NEK6: variants seen among roughly 807,000 people sequenced by gnomAD.
NEK6 encodes NIMA related kinase 6.
In NEK6, 27 loss-of-function variants were observed where a neutral mutation model predicts 43.5. That is an observed-to-expected ratio of 0.62 (90% confidence interval 0.46 to 0.86). The LOEUF (loss-of-function observed/expected upper bound fraction) is 0.86. NEK6 is among the 40% of genes least tolerant of loss of function. The pLI, the probability that NEK6 is intolerant of heterozygous loss-of-function variation, is 0.00. For synonymous variants in NEK6, 167 were observed against 164.1 expected (o/e 1.02, Z -0.14); for missense variants, 318 against 414.4 (o/e 0.77, Z 2.02).
intron 1 of NEK6, among the ~76,000 whole-genome samples, chr9:124,298,760 C>G (rs1425369723): frequency 6.6e-6 from 1 of 152,228 alleles, no homozygotes; most frequent in African/African-American, 2.4e-5. Context: ...CTCTTAACCT[C>G]TTCGTGCCTC....
At chr9:124,323,818 A>G (rs1400982589) in intron 5 of NEK6, among the ~76,000 whole-genome samples, 1 of 152,160 alleles carries the variant, frequency 6.6e-6, no homozygotes, top group African/African-American at 2.4e-5. Flanking sequence ...TCCCTTCTCT[A>G]TGCCAGGCCT....
chr9:124,278,968 T>C (rs537974971), intron 1 of NEK6, among the ~76,000 whole-genome samples: 1 of 152,302 alleles, frequency 6.6e-6, no homozygotes, highest in African/African-American at 2.4e-5. Flanking sequence ...CACAGTCTCA[T>C]CTTCAGTAGA....
chr9:124,278,683 C>T (rs1267777294), intron 1 of NEK6, among the ~76,000 whole-genome samples: 1 of 152,190 alleles, frequency 6.6e-6, no homozygotes, highest in African/African-American at 2.4e-5. Flanking sequence ...GGTGGGGAGA[C>T]GCATGCGTCA....
intron 9 of NEK6, among the ~76,000 whole-genome samples, chr9:124,348,327 G>A (rs557398093): frequency 5.9e-5 from 9 of 152,278 alleles, no homozygotes; most frequent in African/African-American, 1.2e-4. Flanking sequence ...CACTGGCTGC[G>A]GGAGCCGTGG....
Position 124,351,255 on chromosome 9 carries a change from T to G in NEK6, c.*308T>G, listed in dbSNP as rs1165154698. ...AGCCCCCTGTATCTGGATTGTAATG[T>G]GAATCTTTAGGGTAATTCCTCCAGT... On this transcript the variant is annotated 3_prime_UTR_variant, in exon 10 of 10. Transcript: ENST00000320246. The G allele has an allele frequency of 6.9e-6, 2 of 290,638 alleles. No homozygotes were observed. 18.0% of individuals were successfully genotyped at this position (290,638 alleles called of 1,614,324 possible).
chr9:124,345,246 G>A (rs914448035), intron 8 of NEK6, among the ~76,000 whole-genome samples: 3 of 152,224 alleles, frequency 2.0e-5, no homozygotes, highest in African/African-American at 7.2e-5. Context: ...AGTCTGGGTG[G>A]TCACTGGTAG....
At chr9:124,304,605 T>G (rs1319280118) in intron 2 of NEK6, among the ~76,000 whole-genome samples, 1 of 152,218 alleles carries the variant, frequency 6.6e-6, no homozygotes, top group Non-Finnish European at 1.5e-5. Context: ...GATCTTATAT[T>G]TTAAAAACCA....
intron 1 of NEK6, among the ~76,000 whole-genome samples, chr9:124,279,859 C>T (rs1354185481): frequency 2.6e-5 from 4 of 152,370 alleles, no homozygotes; most frequent in Non-Finnish European, 2.9e-5. Context: ...CTCCCAACCA[C>T]GCAAAACCTG....
chr9:124,282,494 T>C (rs1344488555), intron 1 of NEK6, among the ~76,000 whole-genome samples: 3 of 152,130 alleles, frequency 2.0e-5, no homozygotes, highest in Admixed American at 2.0e-4. Context: ...AACATTACTC[T>C]GGGGGCGTAA....
rs1361019831 is a variant in NEK6, at chr9:124,297,755, G to A, written c.-29-4181G>A. Among the ~76,000 whole-genome samples the A allele has an allele frequency of 7.2e-5, 11 of 152,344 alleles. No homozygotes were observed. In the South Asian group the frequency reaches 1.4e-3, roughly 20 times the overall value. On this transcript the variant is annotated intron_variant, in intron 1 of 9. Transcript: ENST00000320246. ...TGTTCTGCAACTTGGCAGGAGCCGC[G>A]GGATCCCGGGGACGGGCAGTCCTCA...
chr9:124,278,567 C>T (rs116585063), intron 1 of NEK6, among the ~76,000 whole-genome samples: 2,099 of 152,280 alleles, frequency 0.014, 47 homozygotes, highest in African/African-American at 0.048. Context: ...GGGTTCTGCC[C>T]GCCAACAGGG....
chr9:124,305,566 AAAAG>A lies in NEK6; in HGVS notation c.90+3516_90+3519del, dbSNP rs1195501679. ...GAGACCCCATCTCAAAAAAAAAAAA[AAAAG>A]AAAAAGAAAAGAAATTCAGTGTCTG... On this transcript the variant is annotated intron_variant, in intron 2 of 9. Transcript: ENST00000320246. 1.9e-4 allele frequency among the ~76,000 whole-genome samples: 29 copies of A among 150,342 alleles called. No homozygotes were observed. The East Asian group carries it at 4.7e-3, about 24-fold the overall frequency.
At chr9:124,292,986 G>C in intron 1 of NEK6, 1 of 1,575,890 alleles carries the variant, frequency 6.3e-7, no homozygotes, top group South Asian at 1.2e-5. Flanking sequence ...TTTCCGGCAG[G>C]AGGAGCAGAG....
At chr9:124,271,553 A>G (rs892018978) in intron 1 of NEK6, among the ~76,000 whole-genome samples, 1 of 152,242 alleles carries the variant, frequency 6.6e-6, no homozygotes, top group African/African-American at 2.4e-5. Flanking sequence ...CCTGTTTTTC[A>G]GATGAAGTTA....
Position 124,275,841 on chromosome 9 carries a change from A to T in NEK6, c.-30+17756A>T, listed in dbSNP as rs981788085. On this transcript the variant is annotated intron_variant, in intron 1 of 9. Coordinates refer to ENST00000320246, the MANE Select transcript of NEK6 (RefSeq NM_014397.6). This position sits in a 1 kb window ranked among gnomAD's most constrained non-coding sequence, Gnocchi z 4.4. Reference sequence around the variant, plus strand: ...GCCTGTGGCCATGGGGACAGCTGAGATGCTGAGACCACTGTGTCCAAAGCC... The same window carrying T: ...GCCTGTGGCCATGGGGACAGCTGAGTTGCTGAGACCACTGTGTCCAAAGCC... Among the ~76,000 whole-genome samples, 3 of 152,216 alleles carry T rather than the reference A, an allele frequency of 2.0e-5. No individual in the cohort carries two copies. Among genetic ancestry groups the T allele is most frequent in the Non-Finnish European group, 2.9e-5 (2 of 68,042 alleles).
chr9:124,311,099 G>A (rs1010941007), intron 2 of NEK6, among the ~76,000 whole-genome samples: 5 of 152,190 alleles, frequency 3.3e-5, no homozygotes, highest in African/African-American at 9.7e-5. Flanking sequence ...AGGCTGAGAC[G>A]CAGCTGGTCC....
At chr9:124,346,904 C>T (rs1158828898) in intron 8 of NEK6, among the ~76,000 whole-genome samples, 1 of 152,228 alleles carries the variant, frequency 6.6e-6, no homozygotes, top group African/African-American at 2.4e-5. Flanking sequence ...CGGTCTTGGC[C>T]CTGCTGGTGG....
intron 1 of NEK6, among the ~76,000 whole-genome samples, chr9:124,280,779 T>C (rs1245205388): frequency 6.6e-6 from 1 of 152,212 alleles, no homozygotes; most frequent in African/African-American, 2.4e-5. Flanking sequence ...ACGCTTTGCT[T>C]TGCTTTTTTC....
intron 7 of NEK6, among the ~76,000 whole-genome samples, chr9:124,329,376 C>T (rs775557301): frequency 2.7e-4 from 41 of 152,212 alleles, no homozygotes; most frequent in Non-Finnish European, 4.8e-4. Context: ...TGTGGCGCTC[C>T]GTCAGAGAGG....
Sources: allele counts gnomAD v4.1 joint callset (sites outside exome capture counted in the v4.1 genomes callset), GRCh38; gene constraint gnomAD v4.1.1; non-coding constraint Gnocchi (gnomAD v3.1); transcripts MANE v1.5; gene names NCBI Gene and HGNC (gene_info 2026-07-23, HGNC 2026-07-21).